Variants in FNDC3B observed in about 807,000 individuals in gnomAD.
FNDC3B encodes the protein fibronectin type III domain containing 3B.
In FNDC3B, 12 loss-of-function variants were observed where a neutral mutation model predicts 151.5. The ratio of observed to expected loss-of-function variants is 0.08; its 90% CI spans 0.05 to 0.13. The LOEUF is 0.13. Ranked by LOEUF, FNDC3B falls within the 10% of genes least tolerant of loss-of-function variation. The pLI, the probability that FNDC3B is intolerant of heterozygous loss-of-function variation, is 1.00. For synonymous variants in FNDC3B, 528 were observed against 549.0 expected (o/e 0.96, Z 0.54); for missense variants, 1,214 against 1,505.3 (o/e 0.81, Z 3.20).
chr3:172,090,586 G>A (rs1301980871), intron 1 of FNDC3B, among the ~76,000 whole-genome samples: 1 of 152,160 alleles, frequency 6.6e-6, no homozygotes, highest in Non-Finnish European at 1.5e-5. Flanking sequence ...GGATAGGGTT[G>A]TGAAAATGAA....
intron 2 of FNDC3B, among the ~76,000 whole-genome samples, chr3:172,117,572 A>G (rs1475041445): frequency 2.6e-5 from 4 of 152,242 alleles, no homozygotes; most frequent in Non-Finnish European, 4.4e-5. Flanking sequence ...AAGTGTCGAC[A>G]TAGGGTGGCA....
At chr3:172,203,112 T>TAGA (rs1478929739) in intron 3 of FNDC3B, among the ~76,000 whole-genome samples, 1 of 152,120 alleles carries the variant, frequency 6.6e-6, no homozygotes, top group Non-Finnish European at 1.5e-5. Context: ...TCGATATATA[T>TAGA]AGAAGTGGGA....
At chr3:172,157,693 G>C (rs886869946) in intron 3 of FNDC3B, among the ~76,000 whole-genome samples, 3 of 152,146 alleles carry the variant, frequency 2.0e-5, no homozygotes, top group African/African-American at 7.2e-5. Context: ...ATTTCTTTGA[G>C]ATCCATTTGT....
intron 1 of FNDC3B, among the ~76,000 whole-genome samples, chr3:172,093,999 C>A (rs549890426): frequency 1.5e-4 from 23 of 152,232 alleles, no homozygotes; most frequent in African/African-American, 5.5e-4. Flanking sequence ...GCAACCACCA[C>A]CACTAGCAAA....
chr3:172,199,381 G>A (rs953895086), intron 3 of FNDC3B, among the ~76,000 whole-genome samples: 35 of 150,786 alleles, frequency 2.3e-4, no homozygotes, highest in Admixed American at 9.9e-4. Flanking sequence ...GGGTTTCACC[G>A]TGTTAGCCAG....
At chr3:172,240,187 A>G (rs28565504) in intron 4 of FNDC3B, among the ~76,000 whole-genome samples, 14,948 of 152,060 alleles carry the variant, frequency 0.098, 1,598 homozygotes, top group African/African-American at 0.27. Context: ...TAGTTCTTAT[A>G]CACAAAATTG....
At chr3:172,375,622 C>T (rs1397809967) in intron 23 of FNDC3B, among the ~76,000 whole-genome samples, 2 of 152,172 alleles carry the variant, frequency 1.3e-5, no homozygotes, top group Non-Finnish European at 2.9e-5. Flanking sequence ...TAATTTCTTC[C>T]CATGCCCTTT....
At chr3:172,366,633 T>G (rs1342912521) in intron 23 of FNDC3B, among the ~76,000 whole-genome samples, 2 of 152,158 alleles carry the variant, frequency 1.3e-5, no homozygotes, top group African/African-American at 4.8e-5. Flanking sequence ...TGGGTAATGG[T>G]AGAACACAGA....
chr3:172,366,975 G>A (rs911012330), intron 23 of FNDC3B, among the ~76,000 whole-genome samples: 8 of 152,132 alleles, frequency 5.3e-5, no homozygotes, highest in Admixed American at 2.6e-4. Flanking sequence ...CCTTAAGTTT[G>A]GGCATGTTTC....
At chr3:172,210,159 G>A (rs549022439) in intron 3 of FNDC3B, among the ~76,000 whole-genome samples, 21 of 152,270 alleles carry the variant, frequency 1.4e-4, no homozygotes, top group African/African-American at 4.3e-4. Context: ...GTAGGGCACA[G>A]GGTTCCCACC....
intron 8 of FNDC3B, 25 bp downstream of exon 8, chr3:172,295,539 C>A (rs1329652111): frequency 6.2e-7 from 1 of 1,606,082 alleles, no homozygotes; most frequent in East Asian, 2.2e-5. Context: ...TATTGTTTTT[C>A]TTTGCTGCTA....
intron 3 of FNDC3B, among the ~76,000 whole-genome samples, chr3:172,208,671 C>T (rs573231782): frequency 9.2e-5 from 14 of 152,062 alleles, no homozygotes; most frequent in South Asian, 4.2e-4. Context: ...CTCTGGCCGG[C>T]GGCGCCTCTG....
chr3:172,273,997 T>C (rs972718577), intron 6 of FNDC3B, among the ~76,000 whole-genome samples: 3 of 152,238 alleles, frequency 2.0e-5, no homozygotes, highest in African/African-American at 7.2e-5. Context: ...CAAAAAATAC[T>C]GTAACATGTC....
Position 172,381,113 on chromosome 3 carries a change from G to A in FNDC3B, c.3303+20G>A, listed in dbSNP as rs1025672182. ...AAACAGGTAAGAACCAGTGTGCATG[G>A]CACATGTGCAACTGAGTATGGCTGG... is the stretch of plus-strand genomic sequence containing the variant. On this transcript the variant is annotated intron_variant, in intron 25 of 25. Transcript: ENST00000415807. 1.2e-6 allele frequency: 2 copies of A among 1,611,968 alleles called. No homozygotes were observed. Among genetic ancestry groups the A allele is most frequent in the Admixed American group, 1.7e-5 (1 of 59,948 alleles).
intron 1 of FNDC3B, among the ~76,000 whole-genome samples, chr3:172,094,769 C>A (rs942366745): frequency 2.6e-5 from 4 of 151,478 alleles, no homozygotes; most frequent in African/African-American, 9.7e-5. Context: ...TGTTCCCCAT[C>A]TCTTATGGGT....
At chr3:172,106,789 G>GTA (rs1719675398) in intron 1 of FNDC3B, among the ~76,000 whole-genome samples, 1 of 152,140 alleles carries the variant, frequency 6.6e-6, no homozygotes, top group Admixed American at 6.5e-5. Flanking sequence ...GTCTTTCTTA[G>GTA]TATAGGCTGG....
chr3:172,184,801 C>T (rs9835896), intron 3 of FNDC3B, among the ~76,000 whole-genome samples: 1,582 of 152,148 alleles, frequency 0.01, 32 homozygotes, highest in African/African-American at 0.036. Context: ...TTAGGTTCTC[C>T]CCTTTCTTTC....
At chr3:172,084,345 G>A (rs1309599456) in intron 1 of FNDC3B, among the ~76,000 whole-genome samples, 1 of 152,010 alleles carries the variant, frequency 6.6e-6, no homozygotes, top group Middle Eastern at 3.2e-3. Flanking sequence ...CAGCTATTCG[G>A]GAGGCAGAGG....
Position 172,398,165 on chromosome 3 carries a change from T to C in FNDC3B, c.*690T>C, listed in dbSNP as rs1434705088. The C allele has an allele frequency of 6.5e-6, 1 of 152,678 alleles. No homozygotes were observed. Among genetic ancestry groups the C allele is most frequent in the African/African-American group, 2.4e-5 (1 of 41,464 alleles). The allele number at this position is 152,678 out of a possible 1,614,324, so 9.5% of individuals were successfully genotyped here. A position where few individuals can be genotyped will look rare whatever the true frequency, so the allele number is the denominator to read the frequency against. On this transcript the variant is annotated 3_prime_UTR_variant, in exon 26 of 26. Transcript: ENST00000415807. ...CCTATAAATTATGGAGCATTGTAGA[T>C]TTTACCACATCAATTCATAGCAGTA...
Sources: gnomAD v4.1 joint callset for allele counts (sites outside exome capture counted in the v4.1 genomes callset) on GRCh38, gnomAD v4.1.1 for gene constraint, MANE v1.5 for transcripts, NCBI Gene and HGNC (gene_info 2026-07-23, HGNC 2026-07-21) for gene names.